Variants in CNTN6 observed in about 807,000 individuals in gnomAD.
CNTN6 encodes contactin 6.
CNTN6 carries 137 observed loss-of-function variants against 122.8 expected under a neutral mutation model. The observed-to-expected ratio is 1.12, with a 90% CI of 0.97 to 1.29. CNTN6 has a LOEUF of 1.29. Among genes scored for constraint, CNTN6 ranks in the 50% most tolerant of loss-of-function variants. The pLI is 0.00. For synonymous variants in CNTN6, 570 were observed against 426.0 expected (o/e 1.34, Z -4.16); for missense variants, 1,634 against 1,223.4 (o/e 1.34, Z -5.01).
intron 11 of CNTN6, among the ~76,000 whole-genome samples, chr3:1,335,809 G>A (rs952350365): frequency 1.3e-5 from 2 of 152,062 alleles, no homozygotes; most frequent in Admixed American, 1.3e-4. Context: ...TAGAAGGACT[G>A]CTTGAGTTCA....
chr3:1,130,287 C>T (rs1346262142), intron 1 of CNTN6, among the ~76,000 whole-genome samples: 1 of 151,974 alleles, frequency 6.6e-6, no homozygotes, highest in Admixed American at 6.6e-5. Flanking sequence ...CCTACCCTCA[C>T]TCCCTTCACC....
At chr3:1,379,301 C>T (rs1170599733) in intron 17 of CNTN6, among the ~76,000 whole-genome samples, 1 of 152,190 alleles carries the variant, frequency 6.6e-6, no homozygotes, top group Admixed American at 6.5e-5. Context: ...AATAAATCCA[C>T]CCATAGCTAC....
intron 2 of CNTN6, among the ~76,000 whole-genome samples, chr3:1,200,933 CTT>C (rs59538115): frequency 1.4e-5 from 2 of 140,954 alleles, no homozygotes. Context: ...TTCTTTTTTT[CTT>C]TTTTTTTTTT....
At chr3:1,132,864 G>A (rs2092376284) in intron 1 of CNTN6, among the ~76,000 whole-genome samples, 1 of 151,888 alleles carries the variant, frequency 6.6e-6, no homozygotes, top group Non-Finnish European at 1.5e-5. Flanking sequence ...AGTCTTATGT[G>A]TCTGCTTTCA....
chr3:1,388,285 C>G (rs940911542), intron 20 of CNTN6, among the ~76,000 whole-genome samples: 1 of 147,966 alleles, frequency 6.8e-6, no homozygotes, highest in African/African-American at 2.5e-5. Context: ...CTGGGAGGCA[C>G]CCCCCAGCAG....
chr3:1,348,494 G>A (rs770967358), intron 11 of CNTN6, among the ~76,000 whole-genome samples: 1 of 151,954 alleles, frequency 6.6e-6, no homozygotes, highest in Non-Finnish European at 1.5e-5. Flanking sequence ...CATAAATGTT[G>A]CATCACATTT....
chr3:1,107,912 G>C (rs574500958), intron 1 of CNTN6, among the ~76,000 whole-genome samples: 1 of 152,034 alleles, frequency 6.6e-6, no homozygotes, highest in Non-Finnish European at 1.5e-5. Context: ...TTATTTAAGA[G>C]TATAACTGGG....
intron 2 of CNTN6, among the ~76,000 whole-genome samples, chr3:1,176,851 C>G (rs1168258887): frequency 6.6e-6 from 1 of 152,088 alleles, no homozygotes; most frequent in African/African-American, 2.4e-5. Context: ...ATGTACTACA[C>G]ATGATCTCTA....
At chr3:1,350,153 CTT>C (rs1372413658) in intron 11 of CNTN6, among the ~76,000 whole-genome samples, 1 of 151,744 alleles carries the variant, frequency 6.6e-6, no homozygotes, top group African/African-American at 2.4e-5. Context: ...ACTTCTCAAA[CTT>C]AATTGTACAT....
rs1457697861 is a variant in CNTN6 at position 1,329,668 on chromosome 3, C to A, written c.1214-117C>A. ...TCCAAGAACACCTTGAGCAAAGTAACCTGAAAAGAGGATACAGCTATAAAT... is the reference window on the plus strand; with the variant it reads ...TCCAAGAACACCTTGAGCAAAGTAAACTGAAAAGAGGATACAGCTATAAAT... On this transcript the variant is annotated intron_variant, in intron 10 of 22. Transcript: ENST00000446702. 6 of 795,178 alleles carry A rather than the reference C, an allele frequency of 7.5e-6. No individual in the cohort carries two copies. In the Admixed American group the frequency reaches 1.3e-4, roughly 17 times the overall value. The allele number at this position is 795,178 out of a possible 1,614,324, so 49.3% of individuals were successfully genotyped here.
chr3:1,143,862 A>T (rs1277455783), intron 1 of CNTN6, among the ~76,000 whole-genome samples: 1 of 152,230 alleles, frequency 6.6e-6, no homozygotes, highest in Non-Finnish European at 1.5e-5. Flanking sequence ...CCATCTTAGA[A>T]TATTAGAGCT....
chr3:1,245,872 C>T (rs2094576245), intron 4 of CNTN6, among the ~76,000 whole-genome samples: 1 of 151,788 alleles, frequency 6.6e-6, no homozygotes, highest in Admixed American at 6.6e-5. Flanking sequence ...GAAGAATTGT[C>T]TTGGGCCACA....
chr3:1,195,439 A>G (rs1042164543), intron 2 of CNTN6, among the ~76,000 whole-genome samples: 1 of 152,228 alleles, frequency 6.6e-6, no homozygotes. Context: ...GTTGGCCAGT[A>G]TGGAATATGA....
At position 1,325,947 on chromosome 3, in the gene CNTN6, C is replaced by G; in HGVS notation, c.1079C>G (p.Pro360Arg). The change falls in exon 9 of 23, where the codon CCA (proline) becomes CGA (arginine). Residue 360 changes from proline to arginine, a missense_variant. Coordinates refer to ENST00000446702, the MANE Select transcript of CNTN6 (RefSeq NM_001289080.2). ...TWLKNGERLN[P>R]EERIQIENGT... ...TTAAAAAATGGTGAACGACTCAACCCAGAGGTAAGCAACTATGTTGATATT... is the reference window on the plus strand; with the variant it reads ...TTAAAAAATGGTGAACGACTCAACCGAGAGGTAAGCAACTATGTTGATATT... 6.2e-7 allele frequency: 1 copy of G among 1,608,592 alleles called. No individual in the cohort carries two copies. The highest frequency in any genetic ancestry group is 1.7e-4 in the Middle Eastern group (1 of 6,008).
chr3:1,250,604 C>A (rs1010248690), intron 4 of CNTN6, among the ~76,000 whole-genome samples: 1 of 152,138 alleles, frequency 6.6e-6, no homozygotes, highest in African/African-American at 2.4e-5. Context: ...ATTCTTAGGT[C>A]ACCCCTCATT....
chr3:1,212,105 G>C (rs1161138945), intron 2 of CNTN6, among the ~76,000 whole-genome samples: 2 of 152,116 alleles, frequency 1.3e-5, no homozygotes, highest in African/African-American at 4.8e-5. Context: ...TAATTCCATA[G>C]AAGATAATGG....
chr3:1,155,507 G>A (rs781452128), intron 2 of CNTN6, among the ~76,000 whole-genome samples: 92 of 152,034 alleles, frequency 6.1e-4, no homozygotes, highest in Non-Finnish European at 8.8e-4. Flanking sequence ...TAAAAACTAT[G>A]CTGTATACTG....
chr3:1,345,340 T>C (rs1200281407), intron 11 of CNTN6, among the ~76,000 whole-genome samples: 1 of 152,066 alleles, frequency 6.6e-6, no homozygotes, highest in Non-Finnish European at 1.5e-5. Flanking sequence ...GGTCTCGAAC[T>C]CCTGACCTCA....
intron 11 of CNTN6, among the ~76,000 whole-genome samples, chr3:1,333,467 A>C (rs1420960386): frequency 6.6e-6 from 1 of 152,124 alleles, no homozygotes; most frequent in Non-Finnish European, 1.5e-5. Context: ...AGTTGTATAT[A>C]TATGAAGAAT....
Sources: allele counts gnomAD v4.1 joint callset (sites outside exome capture counted in the v4.1 genomes callset), GRCh38; gene constraint gnomAD v4.1.1; transcripts MANE v1.5; gene names NCBI Gene and HGNC (gene_info 2026-07-23, HGNC 2026-07-21).